Variants in KCNK10 observed in about 807,000 individuals in gnomAD.
KCNK10 encodes the protein potassium channel subfamily K member 10.
In KCNK10, 25 loss-of-function variants were observed where a neutral mutation model predicts 47.7. That is an observed-to-expected ratio of 0.52 (90% CI 0.38 to 0.73). The LOEUF is 0.73. KCNK10 is among the 30% of genes least tolerant of loss of function. The pLI, the probability that KCNK10 is intolerant of heterozygous loss-of-function variation, is 0.00. For missense variants in KCNK10, 563 were observed against 714.5 expected (o/e 0.79, Z 2.42); for synonymous variants, 303 against 285.6 (o/e 1.06, Z -0.61).
In KCNK10 at chr14:88,260,487, C is replaced by T. The variant is rs1244809643; in HGVS notation, c.402+2715G>A. 6.6e-6 allele frequency among the ~76,000 whole-genome samples: 1 copy of T among 152,218 alleles called. No homozygotes were observed. The highest frequency in any genetic ancestry group is 1.5e-5 in the Non-Finnish European group (1 of 68,040). On this transcript the variant is annotated intron_variant, in intron 2 of 6. Coordinates refer to ENST00000319231, the MANE Select transcript of KCNK10 (RefSeq NM_138317.3). This position sits in a 1 kb window ranked among gnomAD's most constrained non-coding sequence, Gnocchi z 4.5. ...GAGAATGGACTAATACAGCATTCAA[C>T]ATAAAGCACAAGTTTAAAAGAGACT...
chr14:88,287,099 A>G (rs1049390262), intron 1 of KCNK10, among the ~76,000 whole-genome samples: 1 of 152,226 alleles, frequency 6.6e-6, no homozygotes, highest in Non-Finnish European at 1.5e-5. Flanking sequence ...AAGCAAGCAA[A>G]GCATAGAACA....
intron 2 of KCNK10, among the ~76,000 whole-genome samples, chr14:88,255,031 C>A (rs1481449842): frequency 6.6e-6 from 1 of 152,066 alleles, no homozygotes; most frequent in Non-Finnish European, 1.5e-5. Context: ...GTTGAGGGAC[C>A]AAGTCTATCT....
intron 2 of KCNK10, among the ~76,000 whole-genome samples, chr14:88,247,195 C>T (rs1233357970): frequency 6.6e-6 from 1 of 152,182 alleles, no homozygotes; most frequent in Non-Finnish European, 1.5e-5. Context: ...CAGCTTCCCA[C>T]ATCTGGGAAG....
At chr14:88,301,358 C>T (rs954153647) in intron 1 of KCNK10, among the ~76,000 whole-genome samples, 1 of 152,114 alleles carries the variant, frequency 6.6e-6, no homozygotes, top group Non-Finnish European at 1.5e-5. Flanking sequence ...AAACTCTCTC[C>T]TCCCTTGACT....
chr14:88,279,364 CGTGTGTGTGTGTGTGTGTGTGT>C lies in KCNK10; in HGVS notation c.53-15835_53-15814del, dbSNP rs58319931. 1.9e-3 allele frequency among the ~76,000 whole-genome samples: 265 copies of C among 137,674 alleles called. 1 individual carries two copies. The highest frequency in any genetic ancestry group is 7.1e-3 in the African/African-American group (257 of 36,416). The allele number at this position is 137,674 out of a possible 152,430, so 90.3% of individuals were successfully genotyped here. The stretch of plus-strand genomic sequence containing the variant: ...TTAGTTAAGGGAGAATTGCCAGATA[CGTGTGTGTGTGTGTGTGTGTGT>C]GTGTGTGTGTGTGTGTGTGTGTGTT... On this transcript the variant is annotated intron_variant, in intron 1 of 6. Coordinates refer to ENST00000319231, the MANE Select transcript of KCNK10 (RefSeq NM_138317.3).
At chr14:88,321,855 T>C (rs1313884007) in intron 1 of KCNK10, among the ~76,000 whole-genome samples, 1 of 152,236 alleles carries the variant, frequency 6.6e-6, no homozygotes, top group East Asian at 1.9e-4. Context: ...TCAGATGAGC[T>C]ACAAGAAATG....
chr14:88,205,037 C>A (rs1013764767), intron 4 of KCNK10, among the ~76,000 whole-genome samples: 11 of 152,214 alleles, frequency 7.2e-5, no homozygotes, highest in African/African-American at 2.7e-4. Flanking sequence ...TCTGCTCCAC[C>A]GATTCATCCC....
intron 4 of KCNK10, among the ~76,000 whole-genome samples, chr14:88,220,413 T>G: frequency 2.6e-5 from 1 of 38,848 alleles, no homozygotes; most frequent in Admixed American, 5.0e-4. Context: ...CGAGACTCCG[T>G]CTCAAAAAAA....
At chr14:88,189,471 C>T (rs1157265808) in intron 5 of KCNK10, among the ~76,000 whole-genome samples, 1 of 152,126 alleles carries the variant, frequency 6.6e-6, no homozygotes, top group Non-Finnish European at 1.5e-5. Context: ...TGTGGGCTAT[C>T]TGGGAGTAAA....
At chr14:88,294,510 TTTGGGCTGGATCCCAC>T (rs1430020906) in intron 1 of KCNK10, among the ~76,000 whole-genome samples, 2 of 152,208 alleles carry the variant, frequency 1.3e-5, no homozygotes, top group Middle Eastern at 3.2e-3. Context: ...ACAATTCTCT[TTTGGGCTGGATCCCAC>T]TTGGGCTGAT....
At chr14:88,248,855 T>C (rs1237127739) in intron 2 of KCNK10, among the ~76,000 whole-genome samples, 1 of 152,102 alleles carries the variant, frequency 6.6e-6, no homozygotes, top group Non-Finnish European at 1.5e-5. Context: ...TGCTAGAAAC[T>C]TCAGGGAAAG....
chr14:88,323,411 C>A (rs1888595448), upstream of KCNK10, among the ~76,000 whole-genome samples: 1 of 149,242 alleles, frequency 6.7e-6, no homozygotes, highest in Admixed American at 6.6e-5. Context: ...CCGGGCAGCG[C>A]GCGGCGAGGG....
chr14:88,234,928 G>T (rs1325225486), intron 3 of KCNK10: 2 of 311,294 alleles, frequency 6.4e-6, no homozygotes, highest in African/African-American at 4.3e-5. Flanking sequence ...AGAAAATGAT[G>T]ACAGGGCCCT....
intron 4 of KCNK10, among the ~76,000 whole-genome samples, chr14:88,223,888 A>C (rs2139868040): frequency 6.6e-6 from 1 of 152,254 alleles, no homozygotes; most frequent in Non-Finnish European, 1.5e-5. Context: ...CCGGCTTAAA[A>C]AAATGTGTGT....
At chr14:88,300,982 A>G (rs2000611) in intron 1 of KCNK10, among the ~76,000 whole-genome samples, 56,457 of 152,090 alleles carry the variant, frequency 0.37, 12,690 homozygotes, top group Middle Eastern at 0.51. Flanking sequence ...CTTTGGATTC[A>G]GTCAGATCTA....
intron 4 of KCNK10, among the ~76,000 whole-genome samples, chr14:88,222,321 C>G (rs745481543): frequency 6.6e-6 from 1 of 152,020 alleles, no homozygotes; most frequent in Non-Finnish European, 1.5e-5. Flanking sequence ...GGGGACACAG[C>G]CAAACCATAT....
Position 88,252,085 on chromosome 14 carries a change from C to CT in KCNK10, c.402+11116dup, listed in dbSNP as rs966817477. 9.4e-4 allele frequency among the ~76,000 whole-genome samples: 143 copies of CT among 151,452 alleles called. 5 individuals are homozygous for CT. The highest frequency in any genetic ancestry group is 1.6e-3 in the East Asian group (8 of 5,144). The stretch of plus-strand genomic sequence containing the variant: ...ATATTTTATATTTCAAACCAAGACA[C>CT]TTTTTTTTTAATATAGATGGGGTTT... On this transcript the variant is annotated intron_variant, in intron 2 of 6. Coordinates refer to ENST00000319231, the MANE Select transcript of KCNK10 (RefSeq NM_138317.3).
At chr14:88,194,510 G>C (rs1344883063) in intron 4 of KCNK10, among the ~76,000 whole-genome samples, 1 of 152,172 alleles carries the variant, frequency 6.6e-6, no homozygotes, top group Non-Finnish European at 1.5e-5. Flanking sequence ...TGAGATGCTT[G>C]TTAAGTCATA....
intron 1 of KCNK10, among the ~76,000 whole-genome samples, chr14:88,285,626 T>C (rs1399469258): frequency 2.0e-5 from 3 of 152,220 alleles, no homozygotes; most frequent in Non-Finnish European, 4.4e-5. Flanking sequence ...TTAGCTGTTC[T>C]AAGGAGTCAA....
Sources: gnomAD v4.1 joint callset for allele counts (sites outside exome capture counted in the v4.1 genomes callset) on GRCh38, gnomAD v4.1.1 for gene constraint, Gnocchi (gnomAD v3.1) non-coding constraint, MANE v1.5 for transcripts, NCBI Gene and HGNC (gene_info 2026-07-23, HGNC 2026-07-21) for gene names.